The following GLI3 variants were observed in gnomAD, a reference collection of about 807,000 sequenced individuals.
The protein encoded by GLI3 is GLI family zinc finger 3.
In GLI3, 20 loss-of-function variants were observed where a neutral mutation model predicts 100.8. The observed-to-expected ratio is 0.20, with a 90% CI of 0.14 to 0.29. The LOEUF is 0.29. GLI3 is among the 10% of genes least tolerant of loss of function. The pLI, the probability that GLI3 is intolerant of heterozygous loss-of-function variation, is 1.00. For synonymous variants in GLI3, 938 were observed against 860.5 expected, an observed-to-expected ratio of 1.09 and a Z score of -1.58; for missense variants, 2,040 against 2,128.5, an observed-to-expected ratio of 0.96 and a Z score of 0.82.
intron 2 of GLI3, among the ~76,000 whole-genome samples, chr7:42,163,055 A>G (rs1458643054): frequency 1.4e-5 from 2 of 139,276 alleles, no homozygotes; most frequent in South Asian, 4.4e-4. Flanking sequence ...AATAACAACT[A>G]TCCTCACAAA....
intron 3 of GLI3, among the ~76,000 whole-genome samples, chr7:42,134,166 T>C (rs1766458847): frequency 6.6e-6 from 1 of 152,032 alleles, no homozygotes; most frequent in Admixed American, 6.6e-5. Context: ...TCTTTTGTCC[T>C]GGCAGTGGGG....
At chr7:42,080,446 A>C (rs1171909128) in intron 3 of GLI3, among the ~76,000 whole-genome samples, 3 of 152,202 alleles carry the variant, frequency 2.0e-5, no homozygotes, top group Admixed American at 6.5e-5. Context: ...AAGACATCTG[A>C]TTTTGGTTTA....
At chr7:42,144,938 A>C (rs768738215) in intron 3 of GLI3, among the ~76,000 whole-genome samples, 1 of 152,200 alleles carries the variant, frequency 6.6e-6, no homozygotes, top group Non-Finnish European at 1.5e-5. Context: ...GATGTTTCTG[A>C]ACTTGAGCTA....
In GLI3 at chr7:42,086,487, A is replaced by G. The variant is rs377402960; in HGVS notation, c.368-9630T>C. On this transcript the variant is annotated intron_variant, in intron 3 of 14. Coordinates refer to ENST00000395925, the MANE Select transcript of GLI3 (RefSeq NM_000168.6). ...TTCTCCCAAAATGTATAGTAGCCCAAGATAGCCTCCCCACTCCAGCCCAAG... is the reference window on the plus strand; with the variant it reads ...TTCTCCCAAAATGTATAGTAGCCCAGGATAGCCTCCCCACTCCAGCCCAAG... Among the ~76,000 whole-genome samples, 17 of 152,250 alleles carry G rather than the reference A, an allele frequency of 1.1e-4. No homozygotes were observed. In the East Asian group the frequency reaches 2.3e-3, roughly 21 times the overall value.
rs144307829 is a variant in GLI3 at position 42,248,809 on chromosome 7, G to T, written c.-43+15185C>A. On this transcript the variant is annotated intron_variant, in intron 1 of 2. Coordinates refer to the GLI3 transcript ENST00000678978. ...ATTTTTATTCATTTATTTTTTTTGAGATAGGGTCTCCCTCTGTCACCCAGG... is the reference window on the plus strand; with the variant it reads ...ATTTTTATTCATTTATTTTTTTTGATATAGGGTCTCCCTCTGTCACCCAGG... 6.1e-4 allele frequency among the ~76,000 whole-genome samples: 92 copies of T among 150,730 alleles called. 1 individual carries two copies. Among genetic ancestry groups the T allele is most frequent in the Non-Finnish European group, 5.3e-4 (36 of 67,740 alleles).
chr7:42,182,658 A>ATACATGTGTG (rs1787621670), intron 2 of GLI3, among the ~76,000 whole-genome samples: 2 of 56,052 alleles, frequency 3.6e-5, no homozygotes, highest in African/African-American at 2.1e-4. Flanking sequence ...ATATATATAT[A>ATACATGTGTG]TATATATATA....
At chr7:42,155,621 C>A (rs1786984172) in intron 2 of GLI3, among the ~76,000 whole-genome samples, 1 of 152,104 alleles carries the variant, frequency 6.6e-6, no homozygotes, top group Non-Finnish European at 1.5e-5. Context: ...AGAGCTCAAA[C>A]CAAGGCAAAA....
At chr7:42,051,075 C>T (rs890789415) in intron 4 of GLI3, among the ~76,000 whole-genome samples, 2 of 152,188 alleles carry the variant, frequency 1.3e-5, no homozygotes, top group Non-Finnish European at 1.5e-5. Flanking sequence ...CCTACTAAAC[C>T]AGCTTCCCAC....
chr7:42,048,117 G>C (rs116931547), intron 5 of GLI3, among the ~76,000 whole-genome samples: 34 of 152,262 alleles, frequency 2.2e-4, no homozygotes, highest in African/African-American at 7.7e-4. Context: ...ACACATGCAC[G>C]TGTGTGAATG....
At chr7:42,128,830 G>T (rs1786199754) in intron 3 of GLI3, among the ~76,000 whole-genome samples, 1 of 152,118 alleles carries the variant, frequency 6.6e-6, no homozygotes, top group South Asian at 2.1e-4. Flanking sequence ...TTATCACCCT[G>T]TGCGGCTGCC....
chr7:42,115,068 G>GA (rs570360919), intron 3 of GLI3, among the ~76,000 whole-genome samples: 2 of 149,168 alleles, frequency 1.3e-5, no homozygotes, highest in Admixed American at 1.3e-4. Flanking sequence ...AGAGAAAAGG[G>GA]AAAAAAAGGG....
At chr7:42,166,921 G>A (rs1028180898) in intron 2 of GLI3, among the ~76,000 whole-genome samples, 1 of 151,884 alleles carries the variant, frequency 6.6e-6, no homozygotes, top group Non-Finnish European at 1.5e-5. Flanking sequence ...TGCCTCCGGG[G>A]TTTGAGCAAT....
chr7:42,131,347 A>G (rs981793311), intron 3 of GLI3, among the ~76,000 whole-genome samples: 3 of 151,968 alleles, frequency 2.0e-5, no homozygotes, highest in South Asian at 4.1e-4. Flanking sequence ...AAGACAAATA[A>G]TAGGGAAAAA....
intron 2 of GLI3, among the ~76,000 whole-genome samples, chr7:42,220,898 C>T (rs1788473289): frequency 6.6e-6 from 1 of 152,152 alleles, no homozygotes; most frequent in African/African-American, 2.4e-5. Flanking sequence ...GGCCAGAGTT[C>T]GCCAGATTTC....
At chr7:42,217,526 G>A (rs941571282) in intron 2 of GLI3, among the ~76,000 whole-genome samples, 2 of 152,222 alleles carry the variant, frequency 1.3e-5, no homozygotes, top group African/African-American at 4.8e-5. Flanking sequence ...ATGTATATAT[G>A]CTGCTTCTAA....
At chr7:42,155,346 G>A (rs1786976317) in intron 2 of GLI3, among the ~76,000 whole-genome samples, 1 of 151,924 alleles carries the variant, frequency 6.6e-6, no homozygotes, top group Admixed American at 6.6e-5. Flanking sequence ...GTCTGAGGCA[G>A]GAGAATCGCT....
chr7:42,014,949 G>A (rs1348250306), intron 10 of GLI3, among the ~76,000 whole-genome samples: 1 of 152,188 alleles, frequency 6.6e-6, no homozygotes, highest in Non-Finnish European at 1.5e-5. Context: ...TCATAAAAGT[G>A]CACTTAATCT....
intron 2 of GLI3, among the ~76,000 whole-genome samples, chr7:42,191,793 T>C (rs1787833917): frequency 6.6e-6 from 1 of 151,994 alleles, no homozygotes; most frequent in Admixed American, 6.6e-5. Context: ...CTTTTAAAGG[T>C]GAGAAAACCA....
rs751790458 is a variant in GLI3 at position 41,965,174 on chromosome 7, G to A, written c.3899C>T (p.Ala1300Val). 15 of 1,613,814 alleles carry A rather than the reference G, an allele frequency of 9.3e-6. No individual in the cohort carries two copies. Among genetic ancestry groups the A allele is most frequent in the African/African-American group, 4.0e-5 (3 of 74,940 alleles). ...GGQLNFGLPVAPNESAGSMVN... is the reference protein window; with the variant it reads ...GGQLNFGLPVVPNESAGSMVN... ...CATGCTGCCAGCTGACTCATTTGGC[G>A]CTACCGGCAGGCCGAAATTCAGCTG... The change falls in exon 15 of 15, where the codon GCG (alanine) becomes GTG (valine). Residue 1300 changes from alanine (A) to valine (V), a missense_variant. Ala to Val is a moderately conservative substitution (Grantham distance 64). Coordinates refer to ENST00000395925, the MANE Select transcript of GLI3 (RefSeq NM_000168.6).
Sources: allele counts gnomAD v4.1 joint callset (sites outside exome capture counted in the v4.1 genomes callset), GRCh38; gene constraint gnomAD v4.1.1; transcripts MANE v1.5; gene names NCBI Gene and HGNC (gene_info 2026-07-23, HGNC 2026-07-21).